Variants in SLC25A12 observed in about 807,000 individuals in gnomAD.
SLC25A12 encodes electrogenic aspartate/glutamate antiporter SLC25A12, mitochondrial.
SLC25A12 carries 32 observed loss-of-function variants against 83.3 expected under a neutral mutation model. The ratio of observed to expected loss-of-function variants is 0.38; its 90% CI spans 0.29 to 0.52. SLC25A12 has a LOEUF of 0.52. Among genes scored for constraint, SLC25A12 ranks in the 20% least tolerant of loss-of-function variants. The probability of loss-of-function intolerance (pLI) is 0.84; values close to 1 mark genes in which losing one functional copy is unlikely to be tolerated. For missense variants in SLC25A12, 611 were observed against 835.6 expected (o/e 0.73, Z 3.31); for synonymous variants, 267 against 291.1 (o/e 0.92, Z 0.84).
intron 3 of SLC25A12, among the ~76,000 whole-genome samples, chr2:171,863,181 G>A (rs960638423): frequency 6.6e-6 from 1 of 152,106 alleles, no homozygotes; most frequent in Admixed American, 6.6e-5. Context: ...GAGATTACAG[G>A]TGTGAGCCAC....
intron 13 of SLC25A12, among the ~76,000 whole-genome samples, chr2:171,805,611 G>A (rs1683808748): frequency 6.6e-6 from 1 of 152,108 alleles, no homozygotes; most frequent in Non-Finnish European, 1.5e-5. Flanking sequence ...AACTCTAGTT[G>A]GGAACAATAA....
At chr2:171,810,366 ACC>A (rs1683923415) in intron 11 of SLC25A12, 90 bp from the exon 12 acceptor site, 1 of 1,017,572 alleles carries the variant, frequency 9.8e-7, no homozygotes, top group Non-Finnish European at 1.6e-6. Flanking sequence ...CATATTATTT[ACC>A]CATCAAACAT....
intron 11 of SLC25A12, 117 bp downstream of exon 11, chr2:171,813,222 G>T: frequency 9.8e-7 from 1 of 1,017,158 alleles, no homozygotes. Context: ...TAAAAAGAGA[G>T]AAACAGACCT....
At chr2:171,793,404 C>A (rs941151040) in intron 14 of SLC25A12, among the ~76,000 whole-genome samples, 4 of 152,160 alleles carry the variant, frequency 2.6e-5, no homozygotes, top group African/African-American at 9.6e-5. Context: ...GCGGTGCTGG[C>A]CTCCTTGCTG....
intron 3 of SLC25A12, among the ~76,000 whole-genome samples, chr2:171,864,075 T>A (rs144345387): frequency 2.0e-5 from 3 of 152,386 alleles, no homozygotes; most frequent in African/African-American, 4.8e-5. Context: ...TCTACTTTAT[T>A]ACAATAGCTA....
rs78920677 is a variant in SLC25A12 at position 171,811,584 on chromosome 2, G to A, written c.1172-1308C>T. On this transcript the variant is annotated intron_variant, in intron 11 of 17. Coordinates refer to ENST00000422440, the MANE Select transcript of SLC25A12 (RefSeq NM_003705.5). ...AATCATCTGACAGAATAATGGACCA[G>A]TTGCAAGCAATATATGACAATCTCA... is the stretch of plus-strand genomic sequence containing the variant. Among the ~76,000 whole-genome samples, 744 of 152,266 alleles carry A rather than the reference G, an allele frequency of 4.9e-3. 4 individuals are homozygous for A. The highest frequency in any genetic ancestry group is 8.0e-3 in the Non-Finnish European group (543 of 68,030).
At chr2:171,864,560 C>T (rs1477063018) in intron 3 of SLC25A12, among the ~76,000 whole-genome samples, 1 of 152,192 alleles carries the variant, frequency 6.6e-6, no homozygotes, top group African/African-American at 2.4e-5. Flanking sequence ...AAAGTACTTG[C>T]AACACAACCC....
At chr2:171,819,349 ATATG>A (rs1429466971) in intron 9 of SLC25A12, among the ~76,000 whole-genome samples, 5 of 112,042 alleles carry the variant, frequency 4.5e-5, no homozygotes, top group Non-Finnish European at 8.8e-5. Context: ...ATATTATTAT[ATATG>A]TATTTATATT....
intron 9 of SLC25A12, among the ~76,000 whole-genome samples, chr2:171,824,555 ATCT>A (rs1467108146): frequency 4.6e-5 from 7 of 152,222 alleles, no homozygotes; most frequent in African/African-American, 1.7e-4. Flanking sequence ...ACTGCAAAAT[ATCT>A]TCTTTTGAAA....
In SLC25A12 at chr2:171,791,548, T is replaced by C; in HGVS notation, c.1488A>G (p.Ala496=). ...AATGAGCATAAACAGGAAAATAGAT[T>C]GCAGAGAAGGGAATGTCTCGGAGGA... ...ACFLRDIPFS[A]IYFPVYAHCK... The change falls in exon 15 of 18, where the codon GCA becomes GCG. Residue 496 remains alanine, a synonymous_variant. Coordinates refer to ENST00000422440, the MANE Select transcript of SLC25A12 (RefSeq NM_003705.5). 6.2e-7 allele frequency: 1 copy of C among 1,613,858 alleles called. No homozygotes were observed. The highest frequency in any genetic ancestry group is 8.5e-7 in the Non-Finnish European group (1 of 1,179,746).
intron 9 of SLC25A12, among the ~76,000 whole-genome samples, chr2:171,817,461 G>T (rs1277817658): frequency 6.6e-6 from 1 of 151,910 alleles, no homozygotes; most frequent in African/African-American, 2.4e-5. Flanking sequence ...AATTAGTCAG[G>T]TATAGTGGCA....
chr2:171,836,994 A>T, intron 6 of SLC25A12, 127 bp downstream of exon 6: 2 of 844,814 alleles, frequency 2.4e-6, no homozygotes, highest in South Asian at 1.5e-5. Flanking sequence ...AAACCTGTTT[A>T]CTTTCTACCA....
At chr2:171,817,895 T>A (rs2105868218) in intron 9 of SLC25A12, among the ~76,000 whole-genome samples, 1 of 152,346 alleles carries the variant, frequency 6.6e-6, no homozygotes, top group East Asian at 1.9e-4. Context: ...TTATAAGCCC[T>A]ACAAAATCCT....
chr2:171,889,129 C>T (rs1685881036), intron 2 of SLC25A12, among the ~76,000 whole-genome samples: 1 of 152,122 alleles, frequency 6.6e-6, no homozygotes, highest in South Asian at 2.1e-4. Flanking sequence ...ATAAATCAGC[C>T]CCTGATCCTC....
chr2:171,813,255 A>G, intron 11 of SLC25A12, 84 bp downstream of exon 11: 1 of 1,421,444 alleles, frequency 7.0e-7, no homozygotes, highest in Non-Finnish European at 9.9e-7. Flanking sequence ...CATACTACAT[A>G]TTGGCTTCCA....
At chr2:171,844,333 G>A (rs370764061) in intron 5 of SLC25A12, 36 bp downstream of exon 5, 8 of 1,600,240 alleles carry the variant, frequency 5.0e-6, no homozygotes, top group South Asian at 2.2e-5. Flanking sequence ...CAGAAGAATA[G>A]TATATATTGA....
rs1683456281 is a variant in SLC25A12, at chr2:171,791,492, T to C, written c.1544A>G (p.His515Arg). 1 of 1,614,014 alleles carries C rather than the reference T, an allele frequency of 6.2e-7. No homozygotes were observed. The highest frequency in any genetic ancestry group is 1.3e-5 in the African/African-American group (1 of 74,924). ...CKLLLADENG[H>R]VGGLNLLAAG... ...TGCAAGAAGATTTAAACCTCCCACG[T>C]GTCCATTTTCATCAGCCAGAAGTAG... is the stretch of plus-strand genomic sequence containing the variant. The change falls in exon 15 of 18, where the codon CAC becomes CGC. Residue 515 changes from histidine to arginine, a missense_variant. Around this residue, in one of 3 missense-constraint regions of SLC25A12, gnomAD observed 540 missense variants for 777.5 expected, o/e 0.69. Coordinates refer to ENST00000422440, the MANE Select transcript of SLC25A12 (RefSeq NM_003705.5).
Sources: allele counts gnomAD v4.1 joint callset (sites outside exome capture counted in the v4.1 genomes callset), GRCh38; gene constraint gnomAD v4.1.1; regional missense constraint gnomAD v4.1.1; transcripts MANE v1.5; gene names NCBI Gene and HGNC (gene_info 2026-07-23, HGNC 2026-07-21).